Variants in DPEP1 observed in about 807,000 individuals in gnomAD.
DPEP1 encodes dipeptidase 1.
DPEP1 carries 50 observed loss-of-function variants against 42.3 expected under a neutral mutation model. The ratio of observed to expected loss-of-function variants is 1.18; its 90% CI spans 0.94 to 1.50. The LOEUF (loss-of-function observed/expected upper bound fraction) is 1.50. DPEP1 is among the 40% of genes most tolerant of loss of function. The pLI, the probability that DPEP1 is intolerant of heterozygous loss-of-function variation, is 0.00. For missense variants in DPEP1, 663 were observed against 553.0 expected (o/e 1.20, Z -1.99); for synonymous variants, 297 against 234.0 (o/e 1.27, Z -2.46).
At chr16:89,637,810 C>A in intron 9 of DPEP1, 26 bp from the exon 10 acceptor site, 1 of 1,612,504 alleles carries the variant, frequency 6.2e-7, no homozygotes, top group Non-Finnish European at 8.5e-7. Context: ...AGTGTGGGGG[C>A]CCAGGTTCTC....
Position 89,638,082 on chromosome 16 carries a change from G to A in DPEP1, c.1096G>A (p.Glu366Lys). 6.2e-7 allele frequency: 1 copy of A among 1,612,310 alleles called. No homozygotes were observed. ...CAACCTCACACAGGCTCCCGAGGAG[G>A]AGCCCATCCCGCTGGACCAGCTGGG... The part of the protein sequence containing the change: ...ASNLTQAPEE[E>K]PIPLDQLGGS... Residue 366 changes from glutamate to lysine, a missense_variant, in exon 11 of 11, where the codon GAG (glutamate) becomes AAG (lysine). By Grantham distance (56) the Glu-to-Lys change is moderately conservative (BLOSUM62 1). Transcript: ENST00000690203.
intron 1 of DPEP1, among the ~76,000 whole-genome samples, chr16:89,622,958 G>A (rs981241502): frequency 2.2e-4 from 34 of 152,074 alleles, no homozygotes; most frequent in African/African-American, 7.5e-4. Flanking sequence ...AGCCAGAGAG[G>A]AGCTCAGCTC....
At chr16:89,632,824 G>A (rs1009038370) in intron 2 of DPEP1, among the ~76,000 whole-genome samples, 8 of 152,164 alleles carry the variant, frequency 5.3e-5, no homozygotes, top group South Asian at 4.1e-4. Flanking sequence ...TTGGGAGACC[G>A]AGGTGGGAGG....
At chr16:89,634,466 C>T (rs966980120) in intron 2 of DPEP1, among the ~76,000 whole-genome samples, 2 of 152,084 alleles carry the variant, frequency 1.3e-5, no homozygotes, top group Admixed American at 6.6e-5. Context: ...TGGATTCGGA[C>T]CCTCTGGGAT....
chr16:89,640,495 C>T (rs955564505), downstream of DPEP1: 7 of 911,056 alleles, frequency 7.7e-6, no homozygotes, highest in Middle Eastern at 5.6e-4. Flanking sequence ...TTCCATGGAG[C>T]AGCAGCCCCT....
At chr16:89,636,835 C>T (rs375810204) in intron 5 of DPEP1, 31 bp from the exon 6 acceptor site, 2 of 1,611,838 alleles carry the variant, frequency 1.2e-6, no homozygotes, top group Non-Finnish European at 1.7e-6. Flanking sequence ...CCACCGCTCA[C>T]CTCTTGGGCA....
At chr16:89,638,796 C>A (rs28532799), downstream of DPEP1, among the ~76,000 whole-genome samples, 37 of 36,628 alleles carry the variant, frequency 1.0e-3, no homozygotes, top group Non-Finnish European at 1.3e-3. Context: ...GCACGCACAC[C>A]CCCCACCCCT....
rs1451944986 is a variant in DPEP1 at position 89,638,125 on chromosome 16, A to G, written c.1139A>G (p.His380Arg). Residue 380 changes from histidine (H) to arginine (R), a missense_variant, in exon 11 of 11, where the codon CAT becomes CGT. His to Arg is a conservative substitution (Grantham distance 29). Coordinates refer to ENST00000690203, the MANE Select transcript of DPEP1 (RefSeq NM_001389466.1). Reference protein sequence around the residue: ...LDQLGGSCRTHYGYSSGASSL... With the variant: ...LDQLGGSCRTRYGYSSGASSL... Reference sequence around the variant, plus strand: ...CAGCTGGGTGGCTCCTGCAGGACCCATTACGGCTACTCCTCTGGGGCTTCC... The same window carrying G: ...CAGCTGGGTGGCTCCTGCAGGACCCGTTACGGCTACTCCTCTGGGGCTTCC... The G allele has an allele frequency of 6.2e-7, 1 of 1,612,190 alleles. No individual in the cohort carries two copies. Among genetic ancestry groups the G allele is most frequent in the South Asian group, 1.1e-5 (1 of 91,076 alleles).
chr16:89,633,129 A>G (rs1020188379), intron 2 of DPEP1, among the ~76,000 whole-genome samples: 1 of 152,158 alleles, frequency 6.6e-6, no homozygotes, highest in African/African-American at 2.4e-5. Flanking sequence ...CACCCAGGAC[A>G]GTGCCCAGTG....
At chr16:89,625,089 G>T (rs1048699617) in intron 1 of DPEP1, among the ~76,000 whole-genome samples, 2 of 152,092 alleles carry the variant, frequency 1.3e-5, no homozygotes, top group Admixed American at 6.6e-5. Flanking sequence ...GTGTTAATTG[G>T]CCCTGGGTTC....
rs1370162718 is a variant in DPEP1 at position 89,624,923 on chromosome 16, TA to T, written c.-106-5379del. ...GTCCGTGGCTAATCAAAGGCTGAGG[TA>T]AACTGGTGTCTGCAGATGAAAGGGT... On this transcript the variant is annotated intron_variant, in intron 1 of 10. Coordinates refer to ENST00000690203, the MANE Select transcript of DPEP1 (RefSeq NM_001389466.1). Among the ~76,000 whole-genome samples the T allele has an allele frequency of 2.6e-5, 4 of 152,208 alleles. No individual in the cohort carries two copies. The East Asian group carries it at 7.7e-4, about 29-fold the overall frequency.
rs1002365396 is a variant in DPEP1, at chr16:89,637,029, G to A, written c.591+94G>A. 11 of 1,556,248 alleles carry A rather than the reference G, an allele frequency of 7.1e-6. No homozygotes were observed. The African/African-American group carries it at 1.1e-4, about 15-fold the overall frequency. ...ATGCATCTCCTCACGTGGGACCTCA[G>A]TGTCCTTGTCTGTAAAATGGAGCTG... On this transcript the variant is annotated intron_variant, in intron 6 of 10. Coordinates refer to ENST00000690203, the MANE Select transcript of DPEP1 (RefSeq NM_001389466.1).
downstream of DPEP1, among the ~76,000 whole-genome samples, chr16:89,638,753 C>T (rs2059716889): frequency 7.9e-6 from 1 of 126,666 alleles, no homozygotes; most frequent in Non-Finnish European, 1.7e-5. Flanking sequence ...CACACACACA[C>T]ACCCCATCCC....
intron 1 of DPEP1, among the ~76,000 whole-genome samples, chr16:89,628,296 C>T (rs1239589127): frequency 2.9e-5 from 4 of 138,446 alleles, no homozygotes; most frequent in East Asian, 4.3e-4. Flanking sequence ...TTACTCTTGT[C>T]GCCCAGGCTG....
chr16:89,625,298 C>G (rs1007965881), intron 1 of DPEP1, among the ~76,000 whole-genome samples: 1 of 152,156 alleles, frequency 6.6e-6, no homozygotes, highest in African/African-American at 2.4e-5. Context: ...CTCCTGCTCC[C>G]AGGGCATCAC....
At chr16:89,626,120 C>G (rs543676197) in intron 1 of DPEP1, among the ~76,000 whole-genome samples, 85 of 152,156 alleles carry the variant, frequency 5.6e-4, no homozygotes, top group Non-Finnish European at 9.7e-4. Flanking sequence ...GAGATTCTTG[C>G]GATGTGTGAA....
At chr16:89,632,692 A>G (rs1049514496) in intron 2 of DPEP1, among the ~76,000 whole-genome samples, 1 of 152,172 alleles carries the variant, frequency 6.6e-6, no homozygotes, top group Non-Finnish European at 1.5e-5. Context: ...TGCCCTGGCC[A>G]TGAGGCAGGC....
chr16:89,614,223 C>T (rs1431478494), intron 1 of DPEP1, among the ~76,000 whole-genome samples: 2 of 152,164 alleles, frequency 1.3e-5, no homozygotes, highest in Admixed American at 6.5e-5. Context: ...CTGGACCCGC[C>T]AGGCCCTCCA....
intron 2 of DPEP1, among the ~76,000 whole-genome samples, chr16:89,633,256 C>A (rs4785581): frequency 0.46 from 70,199 of 152,096 alleles, 16,503 homozygotes; most frequent in Middle Eastern, 0.65. Context: ...GGGGAGAGGC[C>A]CGTGCCAGCC....
Sources: gnomAD v4.1 joint callset for allele counts (sites outside exome capture counted in the v4.1 genomes callset) on GRCh38, gnomAD v4.1.1 for gene constraint, MANE v1.5 for transcripts, NCBI Gene and HGNC (gene_info 2026-07-23, HGNC 2026-07-21) for gene names.